Variants in ERP44 observed in about 807,000 individuals in gnomAD.
ERP44 encodes the protein endoplasmic reticulum resident protein 44.
A neutral mutation model predicts 53.4 loss-of-function variants in ERP44; 25 were observed. The ratio of observed to expected loss-of-function variants is 0.47; its 90% CI spans 0.34 to 0.65. ERP44 has a LOEUF of 0.65. Among genes scored for constraint, ERP44 ranks in the 30% least tolerant of loss-of-function variants. The pLI is 0.01. For missense variants in ERP44, 338 were observed against 493.2 expected (o/e 0.69, Z 2.98); for synonymous variants, 145 against 161.2 (o/e 0.90, Z 0.76).
At position 99,980,594 on chromosome 9, in the gene ERP44, A is replaced by AC. The variant is rs1477157157; in HGVS notation, c.*2017_*2018insG. 10 of 152,236 alleles carry AC rather than the reference A, an allele frequency of 6.6e-5. No individual in the cohort carries two copies. The highest frequency in any genetic ancestry group is 2.4e-4 in the African/African-American group (10 of 41,446). The allele number at this position is 152,236 out of a possible 1,614,324, so 9.4% of individuals were successfully genotyped here. A position where few individuals can be genotyped will look rare whatever the true frequency, so the allele number is the denominator to read the frequency against. Reference sequence around the variant, plus strand: ...TGAGTGCTGAGCCCCTCAGGGTAAAAAAGTAACCAAGGTCACTTTGCTTCT... The same window carrying AC: ...TGAGTGCTGAGCCCCTCAGGGTAAAACAAGTAACCAAGGTCACTTTGCTTCT... On this transcript the variant is annotated 3_prime_UTR_variant, in exon 12 of 12. Coordinates refer to ENST00000262455, the MANE Select transcript of ERP44 (RefSeq NM_015051.3).
Position 100,025,945 on chromosome 9 carries a change from G to C in ERP44, c.287-3719C>G, listed in dbSNP as rs529122960. ...TGTGTTGGTCCTACTGCAACAACTA[G>C]AAAAAACTTTGTATCATATTTTTAA... On this transcript the variant is annotated intron_variant, in intron 4 of 11. Coordinates refer to ENST00000262455, the MANE Select transcript of ERP44 (RefSeq NM_015051.3). Among the ~76,000 whole-genome samples, 6 of 152,192 alleles carry C rather than the reference G, an allele frequency of 3.9e-5. No homozygotes were observed. The South Asian group carries it at 1.2e-3, about 31-fold the overall frequency.
At chr9:100,049,374 G>C (rs992617073) in intron 4 of ERP44, among the ~76,000 whole-genome samples, 3 of 152,022 alleles carry the variant, frequency 2.0e-5, no homozygotes, top group Admixed American at 6.6e-5. Flanking sequence ...CTACAGCCTG[G>C]GCGAGACAGT....
At chr9:100,093,655 A>AGGGG (rs1176919327) in intron 1 of ERP44, among the ~76,000 whole-genome samples, 25 of 152,194 alleles carry the variant, frequency 1.6e-4, no homozygotes, top group African/African-American at 5.8e-4. Flanking sequence ...GGGGGGGAAA[A>AGGGG]AAAAAGAACT....
At chr9:99,987,855 A>G (rs2118601036) in intron 10 of ERP44, among the ~76,000 whole-genome samples, 1 of 152,262 alleles carries the variant, frequency 6.6e-6, no homozygotes. Context: ...CCATTGCTGA[A>G]CAGTATTTCC....
At chr9:99,993,316 A>G (rs1830275557) in intron 10 of ERP44, among the ~76,000 whole-genome samples, 1 of 152,232 alleles carries the variant, frequency 6.6e-6, no homozygotes, top group African/African-American at 2.4e-5. Context: ...AAACAGAGAG[A>G]TAGACCAATG....
At chr9:99,992,606 C>T (rs1564084735) in intron 10 of ERP44, among the ~76,000 whole-genome samples, 1 of 152,126 alleles carries the variant, frequency 6.6e-6, no homozygotes, top group Non-Finnish European at 1.5e-5. Context: ...AAAACTGGCA[C>T]AAGACAGGGA....
At chr9:100,056,840 A>G (rs1383893014) in intron 3 of ERP44, among the ~76,000 whole-genome samples, 1 of 152,178 alleles carries the variant, frequency 6.6e-6, no homozygotes, top group Non-Finnish European at 1.5e-5. Context: ...CATAACAGCT[A>G]CAGAGGGAAT....
intron 4 of ERP44, among the ~76,000 whole-genome samples, chr9:100,052,044 AAACT>A (rs1826044130): frequency 6.6e-6 from 1 of 152,212 alleles, no homozygotes; most frequent in Non-Finnish European, 1.5e-5. Flanking sequence ...CATGATTCTA[AAACT>A]AACAGAAATC....
chr9:100,089,400 G>A (rs980130206), intron 1 of ERP44, among the ~76,000 whole-genome samples: 1 of 152,054 alleles, frequency 6.6e-6, no homozygotes, highest in Non-Finnish European at 1.5e-5. Context: ...AGCCAGCATG[G>A]CAAAACCCCA....
At chr9:100,012,784 CT>C (rs1183259882) in intron 8 of ERP44, among the ~76,000 whole-genome samples, 1 of 152,158 alleles carries the variant, frequency 6.6e-6, no homozygotes, top group East Asian at 1.9e-4. Context: ...GAAGTAGACA[CT>C]TTTCTCTATT....
intron 4 of ERP44, among the ~76,000 whole-genome samples, chr9:100,048,047 C>G (rs750375456): frequency 2.4e-4 from 36 of 152,084 alleles, no homozygotes; most frequent in Non-Finnish European, 4.6e-4. Flanking sequence ...CATCTCACAC[C>G]CATTAGTATG....
chr9:100,067,323 T>C (rs912633201), intron 1 of ERP44, among the ~76,000 whole-genome samples: 11 of 152,342 alleles, frequency 7.2e-5, no homozygotes, highest in Admixed American at 2.6e-4. Flanking sequence ...GCCCAGTGCC[T>C]GCGACTGCAG....
chr9:100,004,062 A>G (rs946039350), intron 10 of ERP44, among the ~76,000 whole-genome samples: 2 of 151,870 alleles, frequency 1.3e-5, no homozygotes, highest in Non-Finnish European at 2.9e-5. Flanking sequence ...TGGTATCTGA[A>G]GCCACTGAGG....
intron 4 of ERP44, among the ~76,000 whole-genome samples, chr9:100,030,103 G>T (rs1461634587): frequency 6.6e-6 from 1 of 152,080 alleles, no homozygotes; most frequent in Non-Finnish European, 1.5e-5. Flanking sequence ...AAAGAAAAAA[G>T]AAAATGTGGT....
At position 99,979,912 on chromosome 9, in the gene ERP44, A is replaced by C; in HGVS notation, c.*2700T>G. On this transcript the variant is annotated 3_prime_UTR_variant, in exon 12 of 12. Coordinates refer to ENST00000262455, the MANE Select transcript of ERP44 (RefSeq NM_015051.3). ...TGTTGATGGATCTCTTCTGCCTACAATATATACTACAAACCCCTTAGTCTG... is the reference window on the plus strand; with the variant it reads ...TGTTGATGGATCTCTTCTGCCTACACTATATACTACAAACCCCTTAGTCTG... The C allele has an allele frequency of 2.5e-6, 1 of 398,466 alleles. No homozygotes were observed. Among genetic ancestry groups the C allele is most frequent in the Non-Finnish European group, 4.4e-6 (1 of 225,962 alleles). The allele number at this position is 398,466 out of a possible 1,614,324, so 24.7% of individuals were successfully genotyped here.
At chr9:100,031,038 T>C (rs1452144514) in intron 4 of ERP44, among the ~76,000 whole-genome samples, 2 of 152,206 alleles carry the variant, frequency 1.3e-5, no homozygotes, top group African/African-American at 4.8e-5. Flanking sequence ...GTAGCGAATC[T>C]GGTGTACTTT....
chr9:99,983,914 A>G lies in ERP44; in HGVS notation c.1119+1053T>C, dbSNP rs569699941. ...CACAAAGATGAACAAATGTAAGTTC[A>G]CTGTCTAATGAGGAAATTGAAACAA... is the stretch of plus-strand genomic sequence containing the variant. On this transcript the variant is annotated intron_variant, in intron 11 of 11. Transcript: ENST00000262455. Among the ~76,000 whole-genome samples the G allele has an allele frequency of 2.3e-4, 35 of 152,336 alleles. No individual in the cohort carries two copies. In the South Asian group the frequency reaches 4.8e-3, roughly 21 times the overall value.
chr9:100,076,092 G>T (rs1389105135), intron 1 of ERP44, among the ~76,000 whole-genome samples: 1 of 152,192 alleles, frequency 6.6e-6, no homozygotes, highest in African/African-American at 2.4e-5. Flanking sequence ...TTGAGAGACA[G>T]CTCTTGGCCT....
At chr9:100,064,896 T>C (rs560490251) in intron 1 of ERP44, among the ~76,000 whole-genome samples, 2 of 152,250 alleles carry the variant, frequency 1.3e-5, no homozygotes, top group African/African-American at 2.4e-5. Flanking sequence ...TGTACAGCTA[T>C]GTAACGTGTT....
Sources: allele counts gnomAD v4.1 joint callset (sites outside exome capture counted in the v4.1 genomes callset), GRCh38; gene constraint gnomAD v4.1.1; transcripts MANE v1.5; gene names NCBI Gene and HGNC (gene_info 2026-07-23, HGNC 2026-07-21).